SLC25A16: variants seen among roughly 807,000 people sequenced by gnomAD.
SLC25A16 encodes the protein solute carrier family 25 member 16, also known as mitochondrial coenzyme A transporter SLC25A16.
In SLC25A16, 39 loss-of-function variants were observed where a neutral mutation model predicts 41.5. That is an observed-to-expected ratio of 0.94 (90% confidence interval 0.73 to 1.23). The LOEUF (loss-of-function observed/expected upper bound fraction) is 1.23, where lower values mean the gene tolerates loss of function less well. Among genes scored for constraint, SLC25A16 ranks in the 50% most tolerant of loss-of-function variants. The probability of loss-of-function intolerance (pLI) is 0.00; values close to 1 mark genes in which losing one functional copy is unlikely to be tolerated. For missense variants in SLC25A16, 421 were observed against 426.9 expected (o/e 0.99, Z 0.12); for synonymous variants, 146 against 147.8 (o/e 0.99, Z 0.09).
At chr10:68,521,039 C>G (rs1024240313) in intron 1 of SLC25A16, among the ~76,000 whole-genome samples, 2 of 151,808 alleles carry the variant, frequency 1.3e-5, no homozygotes, top group Admixed American at 1.3e-4. Flanking sequence ...GAGGCTGAGG[C>G]AGGAGAATCA....
rs1264450635 is a variant in SLC25A16 at position 68,522,981 on chromosome 10, C to CA, written c.130+4264dup. 1.6e-3 allele frequency among the ~76,000 whole-genome samples: 239 copies of CA among 147,358 alleles called. 1 individual carries two copies. The highest frequency in any genetic ancestry group is 5.2e-3 in the African/African-American group (209 of 40,198). ...CCTAGGCAACAAAGCGAGAATGTCT[C>CA]AAAAAAAAAATAAAAGTGGAAATAT... On this transcript the variant is annotated intron_variant, in intron 1 of 8. Coordinates refer to ENST00000609923, the MANE Select transcript of SLC25A16 (RefSeq NM_152707.4).
At chr10:68,506,527 TG>T in intron 3 of SLC25A16, 57 bp downstream of exon 3, 2 of 1,197,810 alleles carry the variant, frequency 1.7e-6, no homozygotes, top group Non-Finnish European at 2.3e-6. Flanking sequence ...AGCAAATGCC[TG>T]GTCAAGCATG....
At chr10:68,490,499 C>T (rs536670380) in intron 6 of SLC25A16, among the ~76,000 whole-genome samples, 41 of 152,066 alleles carry the variant, frequency 2.7e-4, no homozygotes, top group African/African-American at 6.3e-4. Context: ...TGCGCCACCA[C>T]GCCTGGCTAA....
At chr10:68,510,278 T>A (rs561668511) in intron 2 of SLC25A16, among the ~76,000 whole-genome samples, 1 of 151,880 alleles carries the variant, frequency 6.6e-6, no homozygotes, top group South Asian at 2.1e-4. Context: ...ACGCCTGTAA[T>A]CCCAGCACTT....
chr10:68,485,716 C>T (rs112444918), intron 8 of SLC25A16, among the ~76,000 whole-genome samples: 25 of 151,756 alleles, frequency 1.6e-4, no homozygotes, highest in Non-Finnish European at 3.2e-4. Flanking sequence ...ACTCTGTCAC[C>T]TAGGCTGGAG....
chr10:68,520,397 C>T (rs1281245555), intron 1 of SLC25A16, among the ~76,000 whole-genome samples: 1 of 152,050 alleles, frequency 6.6e-6, no homozygotes, highest in Non-Finnish European at 1.5e-5. Context: ...ACAATTGACC[C>T]GGGCACAATG....
intron 3 of SLC25A16, 103 bp from the exon 4 acceptor site, chr10:68,503,798 A>C: frequency 1.4e-6 from 1 of 731,506 alleles, no homozygotes; most frequent in Non-Finnish European, 2.4e-6. Flanking sequence ...GACTAATAAA[A>C]AGGAAATTAA....
chr10:68,518,737 G>A (rs2053201146), intron 1 of SLC25A16, among the ~76,000 whole-genome samples: 1 of 151,450 alleles, frequency 6.6e-6, no homozygotes, highest in African/African-American at 2.4e-5. Context: ...TCGCACCACT[G>A]CACTCCAGCC....
Position 68,493,565 on chromosome 10 carries a change from T to A in SLC25A16, c.427A>T (p.Thr143Ser), listed in dbSNP as rs762962093. The A allele has an allele frequency of 9.9e-6, 16 of 1,611,998 alleles. No individual in the cohort carries two copies. Among genetic ancestry groups the A allele is most frequent in the Non-Finnish European group, 1.4e-5 (16 of 1,178,464 alleles). The change falls in exon 5 of 9, where the codon ACA becomes TCA. Residue 143 changes from threonine to serine, a missense_variant. Thr to Ser is a moderately conservative substitution (Grantham distance 58). Transcript: ENST00000609923. The part of the protein sequence containing the change: ...RLMAGSMAGM[T>S]AVICTYPLDM... ...AGAGGGTAAGTACAGATAACTGCTGTCATACCTGAAAAGAAAGTAGAAATT... is the reference window on the plus strand; with the variant it reads ...AGAGGGTAAGTACAGATAACTGCTGACATACCTGAAAAGAAAGTAGAAATT...
At chr10:68,488,241 C>T (rs117871408) in intron 7 of SLC25A16, among the ~76,000 whole-genome samples, 2,391 of 152,176 alleles carry the variant, frequency 0.016, 34 homozygotes, top group Non-Finnish European at 0.027. Context: ...CCACAGTCTC[C>T]CAAGTAGCTG....
chr10:68,497,302 C>A (rs1056854542), intron 4 of SLC25A16, among the ~76,000 whole-genome samples: 1 of 152,172 alleles, frequency 6.6e-6, no homozygotes, highest in Admixed American at 6.6e-5. Context: ...CTCCAAGCGT[C>A]ATAGATACAA....
chr10:68,484,806 C>G (rs945977574), intron 8 of SLC25A16, among the ~76,000 whole-genome samples: 2 of 152,088 alleles, frequency 1.3e-5, no homozygotes, highest in Non-Finnish European at 2.9e-5. Flanking sequence ...ATGTTCTGCT[C>G]TTCCCCTGAG....
At position 68,519,964 on chromosome 10, in the gene SLC25A16, T is replaced by C. The variant is rs115970339; in HGVS notation, c.131-3121A>G. ...AGAATGTATTCAATAAGTACTTTTA[T>C]ATAATAGTATCTTTTTTTTTTTTTT... On this transcript the variant is annotated intron_variant, in intron 1 of 8. Coordinates refer to ENST00000609923, the MANE Select transcript of SLC25A16 (RefSeq NM_152707.4). 3.8e-3 allele frequency among the ~76,000 whole-genome samples: 519 copies of C among 135,054 alleles called. 4 individuals are homozygous for C. Among genetic ancestry groups the C allele is most frequent in the African/African-American group, 0.014 (489 of 35,708 alleles). 88.6% of individuals were successfully genotyped at this position (135,054 alleles called of 152,430 possible).
intron 1 of SLC25A16, among the ~76,000 whole-genome samples, chr10:68,526,583 C>T (rs1297035979): frequency 1.3e-5 from 2 of 152,110 alleles, no homozygotes; most frequent in African/African-American, 2.4e-5. Context: ...CTAAGTCTCT[C>T]GTTCCACCTT....
rs78507998 is a variant in SLC25A16 at position 68,511,378 on chromosome 10, A to G, written c.224-4660T>C. 2.8e-3 allele frequency among the ~76,000 whole-genome samples: 420 copies of G among 152,336 alleles called. 19 individuals carry two copies. The East Asian group carries it at 0.062, about 22-fold the overall frequency. On this transcript the variant is annotated intron_variant, in intron 2 of 8. Coordinates refer to ENST00000609923, the MANE Select transcript of SLC25A16 (RefSeq NM_152707.4). ...TGTTGCACTCCAGGAATTCTACTCC[A>G]AATTTTATATGCCTTGTAGGGTATA...
intron 4 of SLC25A16, among the ~76,000 whole-genome samples, chr10:68,500,571 G>C (rs1165719198): frequency 6.6e-6 from 1 of 150,450 alleles, no homozygotes; most frequent in Admixed American, 6.7e-5. Context: ...GCCTCCCAAA[G>C]TGCTGGGATT....
chr10:68,520,633 G>A (rs1289032743), intron 1 of SLC25A16, among the ~76,000 whole-genome samples: 5 of 152,064 alleles, frequency 3.3e-5, no homozygotes, highest in African/African-American at 1.2e-4. Flanking sequence ...CCAACATGGA[G>A]AAACACTATC....
At chr10:68,521,888 C>T (rs1190307790) in intron 1 of SLC25A16, among the ~76,000 whole-genome samples, 3 of 151,316 alleles carry the variant, frequency 2.0e-5, no homozygotes, top group South Asian at 2.1e-4. Flanking sequence ...TGAGCCACCG[C>T]GCCCGGCCAT....
At position 68,517,308 on chromosome 10, in the gene SLC25A16, A is replaced by G. The variant is rs865844496; in HGVS notation, c.131-465T>C. 64 of 934,016 alleles carry G rather than the reference A, an allele frequency of 6.9e-5. No homozygotes were observed. In the African/African-American group the frequency reaches 1.1e-3, roughly 17 times the overall value. The allele number at this position is 934,016 out of a possible 1,614,324, so 57.9% of individuals were successfully genotyped here. On this transcript the variant is annotated intron_variant, in intron 1 of 8. Coordinates refer to ENST00000609923, the MANE Select transcript of SLC25A16 (RefSeq NM_152707.4). ...GAAACAACCAACTTTTACCCATAAA[A>G]TTAGTCATCCATTTATACATTCAGC...
Sources: gnomAD v4.1 joint callset for allele counts (sites outside exome capture counted in the v4.1 genomes callset) on GRCh38, gnomAD v4.1.1 for gene constraint, MANE v1.5 for transcripts, NCBI Gene and HGNC (gene_info 2026-07-23, HGNC 2026-07-21) for gene names.